The following SLC8A3 variants were observed in gnomAD, a reference collection of about 807,000 sequenced individuals.
The protein encoded by SLC8A3 is sodium/calcium exchanger 3.
Under a neutral mutation model 65.4 loss-of-function variants are expected in SLC8A3, and 37 were observed. The ratio of observed to expected loss-of-function variants is 0.57; its 90% CI spans 0.44 to 0.74. The LOEUF is 0.74. Among genes scored for constraint, SLC8A3 ranks in the 30% least tolerant of loss-of-function variants. The pLI is 0.00. For synonymous variants in SLC8A3, 461 were observed against 444.5 expected, an observed-to-expected ratio of 1.04 and a Z score of -0.47; for missense variants, 1,112 against 1,172.1, an observed-to-expected ratio of 0.95 and a Z score of 0.75.
chr14:70,084,539 G>A (rs1594956913), intron 2 of SLC8A3, among the ~76,000 whole-genome samples: 1 of 152,284 alleles, frequency 6.6e-6, no homozygotes, highest in South Asian at 2.1e-4. Flanking sequence ...TGTCATTGAA[G>A]TGACCAGACA....
chr14:70,164,850 C>A (rs1434896385), intron 2 of SLC8A3, among the ~76,000 whole-genome samples: 2 of 152,166 alleles, frequency 1.3e-5, no homozygotes, highest in Non-Finnish European at 1.5e-5. Flanking sequence ...CCCAGTGAAG[C>A]CCTGTCCTTC....
At chr14:70,090,051 A>G (rs1182491441) in intron 2 of SLC8A3, among the ~76,000 whole-genome samples, 7 of 129,338 alleles carry the variant, frequency 5.4e-5, no homozygotes, top group Admixed American at 4.6e-4. Flanking sequence ...CTTTTTTTTT[A>G]ACATATTTTG....
At chr14:70,122,146 A>G (rs999333098) in intron 2 of SLC8A3, among the ~76,000 whole-genome samples, 3 of 152,168 alleles carry the variant, frequency 2.0e-5, no homozygotes, top group African/African-American at 7.2e-5. Context: ...ATTTCAGAGA[A>G]AACTGGGGGA....
chr14:70,162,611 G>A (rs1242139964), intron 2 of SLC8A3, among the ~76,000 whole-genome samples: 3 of 152,188 alleles, frequency 2.0e-5, no homozygotes, highest in Non-Finnish European at 2.9e-5. Flanking sequence ...TTGCAAAGGC[G>A]TGCTGAGAGC....
rs113098630 is a variant in SLC8A3 at position 70,112,831 on chromosome 14, T to A, written c.1785-51892A>T. Among the ~76,000 whole-genome samples the A allele has an allele frequency of 1.7e-3, 255 of 152,294 alleles. 3 individuals carry two copies. The highest frequency in any genetic ancestry group is 9.5e-3 in the South Asian group (46 of 4,828). On this transcript the variant is annotated intron_variant, in intron 2 of 6. Coordinates refer to ENST00000356921, the MANE Select transcript of SLC8A3 (RefSeq NM_182932.3). ...GCAATCCTTGGTGTTCCCTGTCTTGTAGATGCCTCACTCCAGTCTTTGTCT... is the reference window on the plus strand; with the variant it reads ...GCAATCCTTGGTGTTCCCTGTCTTGAAGATGCCTCACTCCAGTCTTTGTCT...
intron 2 of SLC8A3, among the ~76,000 whole-genome samples, chr14:70,069,321 C>A (rs988724573): frequency 6.6e-6 from 1 of 152,164 alleles, no homozygotes; most frequent in Non-Finnish European, 1.5e-5. Flanking sequence ...CCTCCCATGC[C>A]AGAAATAATC....
intron 2 of SLC8A3, among the ~76,000 whole-genome samples, chr14:70,064,557 G>C (rs1006939649): frequency 2.6e-5 from 4 of 151,904 alleles, no homozygotes; most frequent in African/African-American, 9.7e-5. Flanking sequence ...TGGTGGCGGC[G>C]GCGGGGATGC....
chr14:70,110,288 A>G (rs1893190308), intron 2 of SLC8A3, among the ~76,000 whole-genome samples: 1 of 152,058 alleles, frequency 6.6e-6, no homozygotes, highest in South Asian at 2.1e-4. Context: ...GGCCTTATTC[A>G]TTCTTTCTGT....
At position 70,046,041 on chromosome 14, in the gene SLC8A3, C is replaced by A. The variant is rs772724664; in HGVS notation, c.2672G>T (p.Cys891Phe). 2.9e-5 allele frequency: 46 copies of A among 1,613,928 alleles called. No homozygotes were observed. The highest frequency in any genetic ancestry group is 3.7e-5 in the Non-Finnish European group (44 of 1,179,912). The change falls in exon 7 of 7, where the codon TGC becomes TTC. Residue 891 changes from cysteine to phenylalanine, a missense_variant. Coordinates refer to ENST00000356921, the MANE Select transcript of SLC8A3 (RefSeq NM_182932.3). This position sits in a 1 kb window ranked among gnomAD's most constrained non-coding sequence, Gnocchi z 4.2. ...AAAGAGCCATGTTGTGGCGAGCTTGCAGCCACGGGGGCCACCAAGCTCCCC... is the reference window on the plus strand; with the variant it reads ...AAAGAGCCATGTTGTGGCGAGCTTGAAGCCACGGGGGCCACCAAGCTCCCC... Reference protein sequence around the residue: ...LGGELGGPRGCKLATTWLFVS... With the variant: ...LGGELGGPRGFKLATTWLFVS...
chr14:70,131,535 G>T (rs1315864904), intron 2 of SLC8A3, among the ~76,000 whole-genome samples: 1 of 152,172 alleles, frequency 6.6e-6, no homozygotes, highest in Admixed American at 6.5e-5. Context: ...GGTCATAGGA[G>T]AGGTTTTGTA....
intron 1 of SLC8A3, among the ~76,000 whole-genome samples, chr14:70,176,584 C>A (rs917577233): frequency 5.3e-5 from 8 of 152,256 alleles, no homozygotes; most frequent in African/African-American, 1.9e-4. Context: ...TTTCTTTGGA[C>A]TGAGAGAAGG....
intron 2 of SLC8A3, among the ~76,000 whole-genome samples, chr14:70,063,601 A>G (rs977347033): frequency 2.0e-5 from 3 of 152,170 alleles, no homozygotes; most frequent in African/African-American, 7.2e-5. Flanking sequence ...TATGGATGCC[A>G]TGTGTCAGGC....
At chr14:70,161,866 A>G (rs1203628321) in intron 2 of SLC8A3, among the ~76,000 whole-genome samples, 2 of 152,264 alleles carry the variant, frequency 1.3e-5, no homozygotes, top group African/African-American at 4.8e-5. Context: ...GGGTTAAAAC[A>G]TTACAGAGAA....
At chr14:70,080,590 C>T (rs1345414300) in intron 2 of SLC8A3, among the ~76,000 whole-genome samples, 1 of 152,142 alleles carries the variant, frequency 6.6e-6, no homozygotes, top group Non-Finnish European at 1.5e-5. Flanking sequence ...GGAGAAATGA[C>T]ATCAGTTATG....
At position 70,168,018 on chromosome 14, in the gene SLC8A3, G is replaced by T. The variant is rs773577997; in HGVS notation, c.405C>A (p.Asn135Lys). 1 of 1,614,154 alleles carries T rather than the reference G, an allele frequency of 6.2e-7. No homozygotes were observed. The highest frequency in any genetic ancestry group is 1.1e-5 in the South Asian group (1 of 91,072). The change falls in exon 2 of 7, where the codon AAC (asparagine) becomes AAA (lysine). Residue 135 changes from asparagine to lysine, a missense_variant. Coordinates refer to ENST00000356921, the MANE Select transcript of SLC8A3 (RefSeq NM_182932.3). ...AGGAACCCAGGGCCATAAGGGTCAG[G>T]TTGGAGACAGTTTCATTCCAGACCC... ...TIRVWNETVS[N>K]LTLMALGSSA...
chr14:70,080,879 G>A (rs532026585), intron 2 of SLC8A3, among the ~76,000 whole-genome samples: 1 of 152,256 alleles, frequency 6.6e-6, no homozygotes, highest in East Asian at 1.9e-4. Context: ...CTCAAAAGTG[G>A]CCTGGTGAAG....
At chr14:70,162,411 T>C (rs551641851) in intron 2 of SLC8A3, among the ~76,000 whole-genome samples, 1 of 152,252 alleles carries the variant, frequency 6.6e-6, no homozygotes, top group South Asian at 2.1e-4. Flanking sequence ...AAATGGGAGG[T>C]CAGATACCTT....
intron 2 of SLC8A3, among the ~76,000 whole-genome samples, chr14:70,123,013 A>G (rs1416834928): frequency 2.1e-4 from 31 of 148,938 alleles, no homozygotes; most frequent in Non-Finnish European, 4.3e-4. Flanking sequence ...CGGAGCTTGC[A>G]GTGAGCCAAG....
At chr14:70,124,178 A>G (rs1245891230) in intron 2 of SLC8A3, among the ~76,000 whole-genome samples, 1 of 152,202 alleles carries the variant, frequency 6.6e-6, no homozygotes, top group African/African-American at 2.4e-5. Flanking sequence ...GTAGAAAAAT[A>G]GTAGAACTAG....
Sources: allele counts gnomAD v4.1 joint callset (sites outside exome capture counted in the v4.1 genomes callset), GRCh38; gene constraint gnomAD v4.1.1; non-coding constraint Gnocchi (gnomAD v3.1); transcripts MANE v1.5; gene names NCBI Gene and HGNC (gene_info 2026-07-23, HGNC 2026-07-21).